The following MBD5 variants were observed in gnomAD, a reference collection of about 807,000 sequenced individuals.
MBD5 encodes methyl-CpG binding domain protein 5.
A neutral mutation model predicts 117.3 loss-of-function variants in MBD5; 13 were observed. The ratio of observed to expected loss-of-function variants is 0.11; its 90% CI spans 0.07 to 0.18. MBD5 has a LOEUF of 0.18. MBD5 is among the 10% of genes least tolerant of loss of function. The pLI is 1.00. For synonymous variants in MBD5, 727 were observed against 766.4 expected, an observed-to-expected ratio of 0.95 and a Z score of 0.85; for missense variants, 1,879 against 2,093.8, an observed-to-expected ratio of 0.90 and a Z score of 2.00.
intron 3 of MBD5, among the ~76,000 whole-genome samples, chr2:148,247,079 G>T (rs1205892825): frequency 2.3e-4 from 35 of 151,826 alleles, no homozygotes; most frequent in Admixed American, 2.3e-3. Flanking sequence ...TTTTTAAATT[G>T]TCTAGAGTTT....
At chr2:148,042,997 A>G (rs764451623) in intron 1 of MBD5, among the ~76,000 whole-genome samples, 2 of 152,160 alleles carry the variant, frequency 1.3e-5, no homozygotes, top group Non-Finnish European at 2.9e-5. Context: ...AAAATTTTGT[A>G]TGGGCTTGTT....
intron 8 of MBD5, among the ~76,000 whole-genome samples, chr2:148,473,752 A>T (rs1165776754): frequency 6.6e-6 from 1 of 152,194 alleles, no homozygotes; most frequent in Non-Finnish European, 1.5e-5. Flanking sequence ...GCAAAATCAG[A>T]TAAAAGATAT....
rs554390113 is a variant in MBD5 at position 148,070,568 on chromosome 2, G to A, written c.-925+48884G>A. 1.1e-4 allele frequency among the ~76,000 whole-genome samples: 16 copies of A among 152,164 alleles called. No individual in the cohort carries two copies. The South Asian group carries it at 1.7e-3, about 16-fold the overall frequency. ...TAGGATAGAGGGTATAAAACTCTGAGGGCCATATCTCCAGTTTATATTTCA... is the reference window on the plus strand; with the variant it reads ...TAGGATAGAGGGTATAAAACTCTGAAGGCCATATCTCCAGTTTATATTTCA... On this transcript the variant is annotated intron_variant, in intron 1 of 13. Transcript: ENST00000642680.
At chr2:148,500,274 A>G (rs919395106) in intron 11 of MBD5, among the ~76,000 whole-genome samples, 5 of 151,864 alleles carry the variant, frequency 3.3e-5, no homozygotes, top group Admixed American at 6.6e-5. Flanking sequence ...TGTATTTTAT[A>G]TATGTGTGTG....
At chr2:148,476,822 T>C (rs1680980527) in intron 8 of MBD5, among the ~76,000 whole-genome samples, 1 of 152,190 alleles carries the variant, frequency 6.6e-6, no homozygotes, top group South Asian at 2.1e-4. Context: ...AAACTTAGCC[T>C]GCTCTGCTCA....
At chr2:148,154,210 A>C (rs1197524357) in intron 1 of MBD5, among the ~76,000 whole-genome samples, 1 of 151,530 alleles carries the variant, frequency 6.6e-6, no homozygotes, top group Non-Finnish European at 1.5e-5. Flanking sequence ...GTGAGGTGTC[A>C]GTCTGCCCCT....
chr2:148,081,250 C>G (rs915507683), intron 1 of MBD5, among the ~76,000 whole-genome samples: 2 of 152,086 alleles, frequency 1.3e-5, no homozygotes, highest in South Asian at 4.1e-4. Flanking sequence ...GAATAAAGTA[C>G]AAAGGTAGGG....
intron 4 of MBD5, among the ~76,000 whole-genome samples, chr2:148,363,001 CA>C (rs1703586116): frequency 6.6e-6 from 1 of 152,076 alleles, no homozygotes; most frequent in African/African-American, 2.4e-5. Flanking sequence ...ACACAAAGAC[CA>C]AAGGTAGATA....
chr2:148,232,261 T>C (rs986676801), intron 2 of MBD5, among the ~76,000 whole-genome samples: 3 of 152,244 alleles, frequency 2.0e-5, no homozygotes, highest in Admixed American at 6.5e-5. Flanking sequence ...TTAGATGTTA[T>C]GGAAAGTCTT....
chr2:148,036,255 A>G (rs1335217824), intron 1 of MBD5, among the ~76,000 whole-genome samples: 1 of 152,140 alleles, frequency 6.6e-6, no homozygotes. Flanking sequence ...AAAGACTAAA[A>G]TTAGAACCCA....
At chr2:148,036,719 G>A (rs1234418) in intron 1 of MBD5, among the ~76,000 whole-genome samples, 96,107 of 151,808 alleles carry the variant, frequency 0.63, 31,338 homozygotes, top group African/African-American at 0.8. Context: ...GTCATTCTTA[G>A]TATTTCATTT....
At chr2:148,247,753 A>G (rs1700372277) in intron 3 of MBD5, among the ~76,000 whole-genome samples, 1 of 152,138 alleles carries the variant, frequency 6.6e-6, no homozygotes, top group Non-Finnish European at 1.5e-5. Context: ...TTTCAAAATG[A>G]GTATTTGTTT....
chr2:148,330,755 A>C (rs565591932), intron 3 of MBD5, among the ~76,000 whole-genome samples: 1 of 152,304 alleles, frequency 6.6e-6, no homozygotes, highest in Admixed American at 6.5e-5. Flanking sequence ...GAAGAGGTGC[A>C]GTGGACATGA....
At chr2:148,398,911 T>C (rs1704825165) in intron 4 of MBD5, among the ~76,000 whole-genome samples, 1 of 152,234 alleles carries the variant, frequency 6.6e-6, no homozygotes, top group Non-Finnish European at 1.5e-5. Context: ...AAATAGGGAA[T>C]CCTTTCCCCA....
intron 3 of MBD5, among the ~76,000 whole-genome samples, chr2:148,253,297 T>C (rs1700508287): frequency 6.6e-6 from 1 of 152,242 alleles, no homozygotes; most frequent in Non-Finnish European, 1.5e-5. Flanking sequence ...TATTCATTTA[T>C]TTGTACAGTA....
At chr2:148,146,692 C>T (rs1697477076) in intron 1 of MBD5, among the ~76,000 whole-genome samples, 2 of 151,992 alleles carry the variant, frequency 1.3e-5, no homozygotes, top group African/African-American at 4.8e-5. Flanking sequence ...ATTACTGCCC[C>T]TTTCTGTTGC....
At chr2:148,196,850 GGT>G (rs78006542) in intron 2 of MBD5, among the ~76,000 whole-genome samples, 33 of 150,952 alleles carry the variant, frequency 2.2e-4, no homozygotes, top group Non-Finnish European at 4.0e-4. Flanking sequence ...CATTTGCACT[GGT>G]GTGTGTGTGT....
chr2:148,324,115 CT>C (rs970166361), intron 3 of MBD5, among the ~76,000 whole-genome samples: 1 of 151,960 alleles, frequency 6.6e-6, no homozygotes, highest in Non-Finnish European at 1.5e-5. Context: ...TTACCCTTTG[CT>C]TTTTTTTCTC....
At chr2:148,237,402 C>T (rs1451004243) in intron 3 of MBD5, among the ~76,000 whole-genome samples, 3 of 152,136 alleles carry the variant, frequency 2.0e-5, no homozygotes, top group African/African-American at 7.2e-5. Flanking sequence ...CATGTGAACA[C>T]TTAGAGGCAA....
Sources: allele counts gnomAD v4.1 joint callset (sites outside exome capture counted in the v4.1 genomes callset), GRCh38; gene constraint gnomAD v4.1.1; transcripts MANE v1.5; gene names NCBI Gene and HGNC (gene_info 2026-07-23, HGNC 2026-07-21).